PCNT: variants seen among roughly 807,000 people sequenced by gnomAD.
PCNT encodes the protein kendrin.
Under a neutral mutation model 380.4 loss-of-function variants are expected in PCNT, and 319 were observed. The ratio of observed to expected loss-of-function variants is 0.84; its 90% CI spans 0.77 to 0.92. The LOEUF is 0.92. Among genes scored for constraint, PCNT ranks in the 40% least tolerant of loss-of-function variants. The probability of loss-of-function intolerance (pLI) is 0.00; values close to 1 mark genes in which losing one functional copy is unlikely to be tolerated. For synonymous variants in PCNT, 1,845 were observed against 1,735.2 expected (o/e 1.06, Z -1.57); for missense variants, 4,400 against 4,255.3 (o/e 1.03, Z -0.95).
rs370040791 is a variant in PCNT at position 46,412,938 on chromosome 21, G to A, written c.6096G>A (p.Ser2032=). ...VLTVCQRQLQ[S]ELLLVKNEMR... Reference sequence around the variant, plus strand: ...CCGTCTGCCAGAGGCAGCTGCAGTCGGAGCTGCTCTTGGTGAAAAATGAAA... The same window carrying A: ...CCGTCTGCCAGAGGCAGCTGCAGTCAGAGCTGCTCTTGGTGAAAAATGAAA... The change falls in exon 29 of 47, where the codon TCG becomes TCA. Residue 2032 remains serine (S), a synonymous_variant. Coordinates refer to ENST00000359568, the MANE Select transcript of PCNT (RefSeq NM_006031.6). 57 of 1,612,124 alleles carry A rather than the reference G, an allele frequency of 3.5e-5. No individual in the cohort carries two copies. In the African/African-American group the frequency reaches 3.9e-4, roughly 11 times the overall value.
rs114466975 is a variant in PCNT at position 46,368,012 on chromosome 21, G to A, written c.3165+873G>A. On this transcript the variant is annotated intron_variant, in intron 15 of 46. Coordinates refer to ENST00000359568, the MANE Select transcript of PCNT (RefSeq NM_006031.6). The stretch of plus-strand genomic sequence containing the variant: ...CTACGAAAATTAAAAACAATTCACC[G>A]GGCGTGGGGGCACGCACCTGTAGTC... Among the ~76,000 whole-genome samples the A allele has an allele frequency of 7.5e-3, 1,144 of 152,094 alleles. 10 individuals carry two copies. Among genetic ancestry groups the A allele is most frequent in the African/African-American group, 0.022 (922 of 41,488 alleles).
intron 15 of PCNT, among the ~76,000 whole-genome samples, chr21:46,373,898 T>C (rs2147039936): frequency 6.6e-6 from 1 of 151,666 alleles, no homozygotes; most frequent in Admixed American, 6.6e-5. Flanking sequence ...CCTGGCTAAT[T>C]TTTATATTTT....
chr21:46,389,017 G>A (rs780725608), intron 18 of PCNT, 133 bp downstream of exon 18: 12 of 1,412,646 alleles, frequency 8.5e-6, no homozygotes, highest in Middle Eastern at 2.4e-4. Flanking sequence ...GCTAGTTTCC[G>A]CACTTACAGA....
At chr21:46,383,461 A>G (rs375380231) in intron 16 of PCNT, among the ~76,000 whole-genome samples, 118 of 107,532 alleles carry the variant, frequency 1.1e-3, no homozygotes, top group East Asian at 2.8e-3. Context: ...GTTCAGTGGC[A>G]GAAGCGCATT....
Position 46,397,492 on chromosome 21 carries a change from G to A in PCNT, c.4444G>A (p.Asp1482Asn). The change falls in exon 22 of 47, where the codon GAT (aspartate) becomes AAT (asparagine). Residue 1482 changes from aspartate to asparagine, a missense_variant and splice_region_variant. Physicochemically the swap from Asp to Asn is conservative, Grantham distance 23. Coordinates refer to ENST00000359568, the MANE Select transcript of PCNT (RefSeq NM_006031.6). ...KHLRNQRQFM[D>N]EQAAEREHER... is the part of the protein sequence containing the mutation. ...TTTGCGCAACCAGCGGCAATTCATG[G>A]ATGTAAGAATTCTGAATAATACATT... 1 of 1,611,748 alleles carries A rather than the reference G, an allele frequency of 6.2e-7. No individual in the cohort carries two copies. Among genetic ancestry groups the A allele is most frequent in the Non-Finnish European group, 8.5e-7 (1 of 1,177,978 alleles).
chr21:46,361,168 C>T (rs1331134552), intron 13 of PCNT, among the ~76,000 whole-genome samples: 1 of 152,076 alleles, frequency 6.6e-6, no homozygotes, highest in African/African-American at 2.4e-5. Flanking sequence ...GTGGATCACC[C>T]AAGGTCAGGA....
Position 46,421,992 on chromosome 21 carries a change from A to G in PCNT, c.7047A>G (p.Ala2349=), listed in dbSNP as rs772656055. Residue 2349 remains alanine (A), a synonymous_variant, in exon 32 of 47, where the codon GCA becomes GCG. Coordinates refer to ENST00000359568, the MANE Select transcript of PCNT (RefSeq NM_006031.6). ...TAGGTGACGGCTCGGGTTTTGGAGC[A>G]AGACTGAGCCCGGGGTCAGGAGGCC... ...SEKSDGSGFG[A]RLSPGSGGPE... is the part of the protein sequence containing the mutation. The G allele has an allele frequency of 1.9e-6, 3 of 1,614,048 alleles. No individual in the cohort carries two copies. The highest frequency in any genetic ancestry group is 2.2e-5 in the South Asian group (2 of 91,088).
intron 21 of PCNT, among the ~76,000 whole-genome samples, chr21:46,393,650 C>G (rs1354369444): frequency 6.6e-6 from 1 of 152,236 alleles, no homozygotes; most frequent in African/African-American, 2.4e-5. Flanking sequence ...GGCCTGCATT[C>G]TGTTGAACGG....
intron 2 of PCNT, among the ~76,000 whole-genome samples, chr21:46,333,487 G>A (rs1435041732): frequency 6.6e-6 from 1 of 152,062 alleles, no homozygotes; most frequent in Admixed American, 6.5e-5. Flanking sequence ...TGCGCCTGTA[G>A]TCCCAGCTAC....
At chr21:46,384,211 C>A (rs1446119309) in intron 16 of PCNT, among the ~76,000 whole-genome samples, 1 of 146,894 alleles carries the variant, frequency 6.8e-6, no homozygotes, top group African/African-American at 2.5e-5. Context: ...GTGGCAGAAG[C>A]GCATTCACGG....
chr21:46,413,616 G>T lies in PCNT; in HGVS notation c.6150+624G>T, dbSNP rs145606525. On this transcript the variant is annotated intron_variant, in intron 29 of 46. Transcript: ENST00000359568. ...AATTGATCCAAATGGATTTAACTGT[G>T]CTCGAGGGTTAGTCCTGGTTTGTCT... is the stretch of plus-strand genomic sequence containing the variant. Among the ~76,000 whole-genome samples the T allele has an allele frequency of 9.8e-3, 1,492 of 152,334 alleles. 13 individuals are homozygous for T. Among genetic ancestry groups the T allele is most frequent in the Non-Finnish European group, 0.014 (943 of 68,028 alleles).
At chr21:46,443,749 T>C in intron 44 of PCNT, 61 bp from the exon 45 acceptor site, 1 of 1,552,594 alleles carries the variant, frequency 6.4e-7, no homozygotes, top group South Asian at 1.1e-5. Flanking sequence ...TAGATGGGCC[T>C]TTACTAAAAT....
At chr21:46,355,933 G>T (rs1914663279) in intron 12 of PCNT, among the ~76,000 whole-genome samples, 1 of 152,202 alleles carries the variant, frequency 6.6e-6, no homozygotes, top group Non-Finnish European at 1.5e-5. Flanking sequence ...CACCTCTGGA[G>T]GGAGAATGTG....
intron 15 of PCNT, 55 bp from the exon 16 acceptor site, chr21:46,381,638 CA>C: frequency 6.5e-7 from 1 of 1,535,874 alleles, no homozygotes; most frequent in Non-Finnish European, 9.0e-7. Context: ...CGGCTAACAG[CA>C]AAGAAAGTAT....
At chr21:46,393,287 G>A (rs1295282174) in intron 21 of PCNT, among the ~76,000 whole-genome samples, 1 of 152,156 alleles carries the variant, frequency 6.6e-6, no homozygotes, top group Non-Finnish European at 1.5e-5. Context: ...TTCCTTTGAC[G>A]CCCTCGTTTT....
chr21:46,423,160 G>C (rs1260117896), intron 32 of PCNT, among the ~76,000 whole-genome samples: 1 of 112,988 alleles, frequency 8.9e-6, no homozygotes, highest in Non-Finnish European at 2.1e-5. Flanking sequence ...ATGGAAATTG[G>C]AGATTTTTTT....
chr21:46,404,169 C>T (rs907145918), intron 27 of PCNT, among the ~76,000 whole-genome samples: 7 of 151,180 alleles, frequency 4.6e-5, no homozygotes, highest in South Asian at 4.2e-4. Context: ...GGCGCGTGCT[C>T]GGTGAATGAA....
chr21:46,398,476 G>T (rs1242616858), intron 24 of PCNT, among the ~76,000 whole-genome samples: 1 of 152,248 alleles, frequency 6.6e-6, no homozygotes, highest in African/African-American at 2.4e-5. Flanking sequence ...CGGATCCCTC[G>T]TGCCTGGCAC....
chr21:46,366,907 A>G lies in PCNT; in HGVS notation c.2933A>G (p.Glu978Gly). Reference sequence around the variant, plus strand: ...TCTTTGGAATCCTGTTACCTCTCTGAATTTCAGACCATCCGTGAGGAGCAC... The same window carrying G: ...TCTTTGGAATCCTGTTACCTCTCTGGATTTCAGACCATCCGTGAGGAGCAC... ...LDSLESCYLS[E>G]FQTIREEHRQ... is the part of the protein sequence containing the mutation. The change falls in exon 15 of 47, where the codon GAA (glutamate) becomes GGA (glycine). Residue 978 changes from glutamate (E) to glycine (G), a missense_variant. Physicochemically the swap from Glu to Gly is moderately conservative, Grantham distance 98. Coordinates refer to ENST00000359568, the MANE Select transcript of PCNT (RefSeq NM_006031.6). 1.2e-6 allele frequency: 2 copies of G among 1,614,222 alleles called. No individual in the cohort carries two copies. The highest frequency in any genetic ancestry group is 1.1e-5 in the South Asian group (1 of 91,092).
Sources: gnomAD v4.1 joint callset for allele counts (sites outside exome capture counted in the v4.1 genomes callset) on GRCh38, gnomAD v4.1.1 for gene constraint, MANE v1.5 for transcripts, NCBI Gene and HGNC (gene_info 2026-07-23, HGNC 2026-07-21) for gene names.